Variants in SCN1A observed in about 807,000 individuals in gnomAD.
The protein encoded by SCN1A is sodium voltage-gated channel alpha subunit 1.
Under a neutral mutation model 193.7 loss-of-function variants are expected in SCN1A, and 13 were observed. The observed-to-expected ratio is 0.07, with a 90% CI of 0.04 to 0.11. SCN1A has a LOEUF of 0.11. Among genes scored for constraint, SCN1A ranks in the 10% least tolerant of loss-of-function variants. SCN1A has a pLI of 1.00. For missense variants in SCN1A, 1,432 were observed against 2,451.1 expected (o/e 0.58, Z 8.78); for synonymous variants, 781 against 843.6 (o/e 0.93, Z 1.29).
At chr2:166,125,213 G>A (rs1271296393) in intron 2 of SCN1A, among the ~76,000 whole-genome samples, 3 of 152,184 alleles carry the variant, frequency 2.0e-5, no homozygotes, top group Non-Finnish European at 2.9e-5. Flanking sequence ...TTGACCCTGA[G>A]GGTGACTATA....
Position 166,041,410 on chromosome 2 carries a change from A to G in SCN1A, c.2236T>C (p.Leu746=), listed in dbSNP as rs753714341. 5 of 1,613,886 alleles carry G rather than the reference A, an allele frequency of 3.1e-6. No homozygotes were observed. In the Middle Eastern group the frequency reaches 6.6e-4, roughly 213 times the overall value. The change falls in exon 16 of 29, where the codon TTA becomes CTA. Residue 746 remains leucine, a synonymous_variant. Coordinates refer to ENST00000674923, the MANE Select transcript of SCN1A (RefSeq NM_001165963.4). ...PCWYKFSNIF[L]IWDCSPYWLK... ...CAATATGGAGAACAGTCCCAGATTA[A>G]GAATATGTTGGAAAATTTATACCAA...
Position 166,079,267 on chromosome 2 carries a change from A to G in SCN1A, c.-141-1466T>C, listed in dbSNP as rs192316665. Among the ~76,000 whole-genome samples the G allele has an allele frequency of 6.6e-4, 100 of 151,110 alleles. 1 individual carries two copies. The highest frequency in any genetic ancestry group is 2.3e-3 in the African/African-American group (94 of 41,312). ...TGTCATTTTTGTTCTATGAATTCCA[A>G]TGCGGTATTGTTTGATGTGTAGATA... On this transcript the variant is annotated intron_variant, in intron 2 of 28. Transcript: ENST00000674923.
At chr2:166,014,980 T>C (rs1693083979) in intron 20 of SCN1A, among the ~76,000 whole-genome samples, 1 of 151,674 alleles carries the variant, frequency 6.6e-6, no homozygotes, top group Non-Finnish European at 1.5e-5. Context: ...AGAAGAAGAC[T>C]GAAGGTATAC....
intron 7 of SCN1A, among the ~76,000 whole-genome samples, chr2:166,053,365 G>C (rs1402475975): frequency 6.6e-6 from 1 of 151,940 alleles, no homozygotes; most frequent in Non-Finnish European, 1.5e-5. Flanking sequence ...CCAACATCAT[G>C]TGTAACTTGT....
At chr2:166,122,746 T>C (rs1228208163) in intron 2 of SCN1A, among the ~76,000 whole-genome samples, 1 of 152,164 alleles carries the variant, frequency 6.6e-6, no homozygotes, top group Non-Finnish European at 1.5e-5. Flanking sequence ...ATCCTAGATC[T>C]AAATGCAAGA....
At chr2:166,051,005 A>G (rs1489443759) in intron 9 of SCN1A, among the ~76,000 whole-genome samples, 1 of 151,960 alleles carries the variant, frequency 6.6e-6, no homozygotes, top group Non-Finnish European at 1.5e-5. Flanking sequence ...ACATTGTGTA[A>G]TTAATGTATA....
At chr2:166,064,528 G>A (rs1216882394) in intron 4 of SCN1A, among the ~76,000 whole-genome samples, 3 of 152,018 alleles carry the variant, frequency 2.0e-5, no homozygotes, top group Non-Finnish European at 4.4e-5. Flanking sequence ...GGTAGAAATT[G>A]CTATTTATGA....
rs1688596665 is a variant in SCN1A at position 165,986,159 on chromosome 2, A to G, written c.*5086T>C. On this transcript the variant is annotated 3_prime_UTR_variant, in exon 29 of 29. Coordinates refer to ENST00000674923, the MANE Select transcript of SCN1A (RefSeq NM_001165963.4). ...TTTCCAAAGAACATTTAAACATTAA[A>G]TGGTATTAGTCTTTAGAAAATAATC... is the stretch of plus-strand genomic sequence containing the variant. The G allele has an allele frequency of 6.6e-6, 1 of 152,212 alleles. No individual in the cohort carries two copies. Among genetic ancestry groups the G allele is most frequent in the Admixed American group, 6.5e-5 (1 of 15,274 alleles). The allele number at this position is 152,212 out of a possible 1,614,324, so 9.4% of individuals were successfully genotyped here. A position where few individuals can be genotyped will look rare whatever the true frequency, so the allele number is the denominator to read the frequency against.
intron 3 of SCN1A, among the ~76,000 whole-genome samples, chr2:166,076,619 A>G (rs1362648714): frequency 2.0e-5 from 3 of 152,134 alleles, no homozygotes; most frequent in Admixed American, 1.3e-4. Context: ...GAGGACTGAC[A>G]CTAACCCAAC....
At chr2:166,105,529 C>A (rs767983129) in intron 2 of SCN1A, among the ~76,000 whole-genome samples, 4 of 152,216 alleles carry the variant, frequency 2.6e-5, no homozygotes, top group Non-Finnish European at 5.9e-5. Context: ...AAATAGTTTA[C>A]ATCTACCACA....
intron 2 of SCN1A, among the ~76,000 whole-genome samples, chr2:166,121,320 A>G (rs1690572310): frequency 2.0e-5 from 3 of 152,160 alleles, no homozygotes; most frequent in Non-Finnish European, 4.4e-5. Context: ...TATCTTTTGA[A>G]GACATTGCTT....
rs113778089 is a variant in SCN1A at position 166,076,007 on chromosome 2, A to T, written c.-50+1703T>A. Among the ~76,000 whole-genome samples, 308 of 151,414 alleles carry T rather than the reference A, an allele frequency of 2.0e-3. 2 individuals are homozygous for T. Among genetic ancestry groups the T allele is most frequent in the African/African-American group, 7.2e-3 (296 of 41,326 alleles). On this transcript the variant is annotated intron_variant, in intron 3 of 28. Coordinates refer to ENST00000674923, the MANE Select transcript of SCN1A (RefSeq NM_001165963.4). ...TAAAAACAGCCCATTTTTTCCTTCT[A>T]TTTTTTTCAATCTATAGCATCTTTT... is the stretch of plus-strand genomic sequence containing the variant.
At chr2:166,113,237 C>T (rs765104087) in intron 2 of SCN1A, among the ~76,000 whole-genome samples, 2 of 152,014 alleles carry the variant, frequency 1.3e-5, no homozygotes, top group African/African-American at 2.4e-5. Context: ...AAAAACAAAA[C>T]GACCCACATA....
At chr2:166,128,087 A>G (rs1355542435), upstream of SCN1A, 2 of 148,454 alleles carry the variant, frequency 1.3e-5, no homozygotes, top group East Asian at 4.0e-4. Context: ...AGCACCTTAC[A>G]TTACATCGCC....
intron 13 of SCN1A, among the ~76,000 whole-genome samples, chr2:166,044,751 C>CAA (rs1697594946): frequency 6.6e-6 from 1 of 151,568 alleles, no homozygotes; most frequent in African/African-American, 2.4e-5. Flanking sequence ...TGCTGAGGAT[C>CAA]AAAAAGATTA....
intron 19 of SCN1A, among the ~76,000 whole-genome samples, chr2:166,032,608 A>G (rs1408040668): frequency 6.6e-6 from 1 of 152,194 alleles, no homozygotes; most frequent in Non-Finnish European, 1.5e-5. Flanking sequence ...GAAATTTGAT[A>G]CAATGTGGTA....
In SCN1A at chr2:166,007,626, G is replaced by A. The variant is rs1485424838; in HGVS notation, c.4002+2093C>T. Reference sequence around the variant, plus strand: ...GCATAAAACATGCAAAACACAAAGTGCAACGTGATGATAATTTATTTGTTA... The same window carrying A: ...GCATAAAACATGCAAAACACAAAGTACAACGTGATGATAATTTATTTGTTA... On this transcript the variant is annotated intron_variant, in intron 23 of 28. Transcript: ENST00000674923. Among the ~76,000 whole-genome samples the A allele has an allele frequency of 6.6e-6, 1 of 151,338 alleles. No individual in the cohort carries two copies. The highest frequency in any genetic ancestry group is 1.5e-5 in the Non-Finnish European group (1 of 67,544).
chr2:166,031,031 A>G (rs1282413682), intron 19 of SCN1A, among the ~76,000 whole-genome samples: 1 of 152,040 alleles, frequency 6.6e-6, no homozygotes, highest in South Asian at 2.1e-4. Context: ...TATTCCTACT[A>G]TGGCATGAGT....
intron 1 of SCN1A, chr2:166,137,421 T>C (rs1335267194): frequency 6.6e-6 from 1 of 152,230 alleles, no homozygotes; most frequent in Non-Finnish European, 1.5e-5. Flanking sequence ...CCATATGTAG[T>C]AGGAGGAACC....
Sources: allele counts gnomAD v4.1 joint callset (sites outside exome capture counted in the v4.1 genomes callset), GRCh38; gene constraint gnomAD v4.1.1; transcripts MANE v1.5; gene names NCBI Gene and HGNC (gene_info 2026-07-23, HGNC 2026-07-21).